The following MMP26 variants were observed in gnomAD, a reference collection of about 807,000 sequenced individuals.
MMP26 encodes the protein matrix metalloproteinase-26.
MMP26 carries 33 observed loss-of-function variants against 31.0 expected under a neutral mutation model. That is an observed-to-expected ratio of 1.06 (90% CI 0.81 to 1.42). MMP26 has a LOEUF of 1.42. Ranked by LOEUF, MMP26 falls within the 40% of genes most tolerant of loss-of-function variation. MMP26 has a pLI of 0.00. For synonymous variants in MMP26, 122 were observed against 114.9 expected (o/e 1.06, Z -0.40); for missense variants, 347 against 316.1 (o/e 1.10, Z -0.74).
intron 2 of MMP26, chr11:4,955,380 G>A (rs754803857): frequency 1.6e-6 from 2 of 1,216,850 alleles, no homozygotes; most frequent in Middle Eastern, 2.2e-4. Context: ...GAGGACTCCA[G>A]TACTGAGAAT....
chr11:4,822,372 T>C, intron 2 of MMP26: 1 of 1,469,194 alleles, frequency 6.8e-7, no homozygotes, highest in South Asian at 1.6e-5. Context: ...CCAAATCTAA[T>C]CATCAGCTAT....
intron 2 of MMP26, chr11:4,769,097 AC>A (rs1447463381): frequency 1.9e-6 from 3 of 1,592,848 alleles, no homozygotes; most frequent in African/African-American, 1.3e-5. Context: ...CACTGAATGG[AC>A]TACTCTGGGG....
intron 2 of MMP26, among the ~76,000 whole-genome samples, chr11:4,777,882 T>C (rs1213311471): frequency 6.6e-6 from 1 of 152,244 alleles, no homozygotes; most frequent in African/African-American, 2.4e-5. Context: ...CATTTTCTAT[T>C]GTGAATAATT....
rs1564819722 is a variant in MMP26 at position 4,986,932 on chromosome 11, C to CT, written c.-144-1136_-144-1135insT. ...CTCTCTCTCTCTCTCTCTCTCTCTC[C>CT]CTCTCTCTCTCTCTCTCTCTCTCTC... On this transcript the variant is annotated intron_variant, in intron 2 of 7. Transcript: ENST00000380390. 1.0e-2 allele frequency among the ~76,000 whole-genome samples: 599 copies of CT among 60,198 alleles called. 3 individuals carry two copies. Among genetic ancestry groups the CT allele is most frequent in the Admixed American group, 0.017 (83 of 4,910 alleles). The allele number at this position is 60,198 out of a possible 152,430, so 39.5% of individuals were successfully genotyped here.
intron 2 of MMP26, among the ~76,000 whole-genome samples, chr11:4,983,620 A>G (rs1293070360): frequency 6.6e-6 from 1 of 152,226 alleles, no homozygotes; most frequent in Non-Finnish European, 1.5e-5. Flanking sequence ...ATAATGAGAA[A>G]GATGAAAGCA....
chr11:4,957,774 GTTCAAGCGATTC>G (rs1451356454), intron 2 of MMP26, among the ~76,000 whole-genome samples: 1 of 151,808 alleles, frequency 6.6e-6, no homozygotes, highest in Non-Finnish European at 1.5e-5. Context: ...CATCTCCTAG[GTTCAAGCGATTC>G]TCCTGCCTCA....
intron 2 of MMP26, among the ~76,000 whole-genome samples, chr11:4,873,649 A>G (rs1226214105): frequency 6.6e-6 from 1 of 152,056 alleles, no homozygotes; most frequent in East Asian, 1.9e-4. Flanking sequence ...GATAATTTTT[A>G]TAGTCAAGCA....
intron 2 of MMP26, among the ~76,000 whole-genome samples, chr11:4,979,750 C>T (rs1405556431): frequency 6.6e-6 from 1 of 152,084 alleles, no homozygotes; most frequent in Non-Finnish European, 1.5e-5. Flanking sequence ...GGAAGTTCAA[C>T]CAACTAGTAG....
Position 4,989,708 on chromosome 11 carries a change from C to T in MMP26, c.160C>T (p.Gln54Ter), listed in dbSNP as rs770896831. The T allele has an allele frequency of 6.2e-7, 1 of 1,613,810 alleles. No individual in the cohort carries two copies. Among genetic ancestry groups the T allele is most frequent in the African/African-American group, 1.3e-5 (1 of 74,912 alleles). ...KESPLLTQETQTQLLQQFHRN... is the reference protein window; with the variant it reads ...KESPLLTQET ...GTCGCCACTCCTTACCCAGGAGACA[C>T]AAACACAGCTCCTGCAACAATTCCA... Residue 54 changes from glutamine to a stop codon, truncating the protein, a stop_gained, in exon 4 of 8, where the codon CAA (glutamine) becomes TAA (stop). Transcript: ENST00000380390. LOFTEE classifies it high-confidence loss of function.
chr11:4,730,000 T>TTTTTTTTTTTTTTTG (rs1848152063), intron 1 of MMP26, among the ~76,000 whole-genome samples: 1 of 151,490 alleles, frequency 6.6e-6, no homozygotes, highest in Admixed American at 6.6e-5. Context: ...CTCATTTTTG[T>TTTTTTTTTTTTTTTG]AGCTGGTCAT....
chr11:4,792,476 C>T (rs1849041540), intron 2 of MMP26, among the ~76,000 whole-genome samples: 2 of 152,074 alleles, frequency 1.3e-5, no homozygotes, highest in African/African-American at 2.4e-5. Flanking sequence ...TTTTAAGTGA[C>T]TTTGAGAGTA....
chr11:4,731,562 C>G (rs544518853), intron 1 of MMP26, among the ~76,000 whole-genome samples: 1 of 152,312 alleles, frequency 6.6e-6, no homozygotes, highest in African/African-American at 2.4e-5. Context: ...CCCTTACCCT[C>G]TCCTTCCACA....
intron 2 of MMP26, among the ~76,000 whole-genome samples, chr11:4,803,033 T>C (rs750908422): frequency 8.5e-5 from 13 of 152,232 alleles, no homozygotes; most frequent in Non-Finnish European, 1.6e-4. Flanking sequence ...AAGAAATATA[T>C]GTACTTTTAA....
chr11:4,803,952 G>A (rs758650103), intron 2 of MMP26: 12 of 1,613,380 alleles, frequency 7.4e-6, no homozygotes, highest in African/African-American at 1.3e-5. Flanking sequence ...GTTTGATCAC[G>A]ACCGATGGGG....
At chr11:4,916,401 G>GA (rs1017405472) in intron 2 of MMP26, among the ~76,000 whole-genome samples, 9 of 43,834 alleles carry the variant, frequency 2.1e-4, no homozygotes, top group Non-Finnish European at 4.4e-4. Flanking sequence ...ATCTTTTACT[G>GA]GAAAAAAAAA....
intron 2 of MMP26, among the ~76,000 whole-genome samples, chr11:4,921,839 A>G (rs1851189126): frequency 6.6e-6 from 1 of 152,198 alleles, no homozygotes; most frequent in Non-Finnish European, 1.5e-5. Flanking sequence ...TTTTATTAAA[A>G]GTTATTGCTT....
chr11:4,848,364 A>G (rs753572804), intron 2 of MMP26: 1 of 1,614,168 alleles, frequency 6.2e-7, no homozygotes, highest in Non-Finnish European at 8.5e-7. Flanking sequence ...ATAGGATAGA[A>G]GAGTATGGGT....
At position 4,723,377 on chromosome 11, in the gene MMP26, T is replaced by C; in HGVS notation, c.-217+18332T>C. 12 of 956,934 alleles carry C rather than the reference T, an allele frequency of 1.3e-5. No homozygotes were observed. In the Admixed American group the frequency reaches 2.0e-4, roughly 16 times the overall value. 59.3% of individuals were successfully genotyped at this position (956,934 alleles called of 1,614,324 possible). ...GCCTCCGCCCGGCTGCGGTTGGAGA[T>C]CACCTTGTACTGCGCCTTGACCTCA... On this transcript the variant is annotated intron_variant, in intron 1 of 7. Transcript: ENST00000380390.
At chr11:4,711,001 A>G (rs1847855876) in intron 1 of MMP26, 1 of 152,716 alleles carries the variant, frequency 6.5e-6, no homozygotes, top group Non-Finnish European at 1.5e-5. Context: ...CTACTTTCCT[A>G]ATTCTTAAAA....
Sources: gnomAD v4.1 joint callset for allele counts (sites outside exome capture counted in the v4.1 genomes callset) on GRCh38, gnomAD v4.1.1 for gene constraint, MANE v1.5 for transcripts, NCBI Gene and HGNC (gene_info 2026-07-23, HGNC 2026-07-21) for gene names.